Variants in GNB1 observed in about 807,000 individuals in gnomAD.
GNB1 encodes the protein guanine nucleotide-binding protein G(I)/G(S)/G(T) subunit beta-1.
Under a neutral mutation model 42.9 loss-of-function variants are expected in GNB1, and 2 were observed. That is an observed-to-expected ratio of 0.05 (90% CI 0.02 to 0.15). The LOEUF (loss-of-function observed/expected upper bound fraction) is 0.15, where lower values mean the gene tolerates loss of function less well. GNB1 is among the 10% of genes least tolerant of loss of function. The pLI, the probability that GNB1 is intolerant of heterozygous loss-of-function variation, is 1.00. For missense variants in GNB1, 193 were observed against 462.2 expected, an observed-to-expected ratio of 0.42 and a Z score of 5.34; for synonymous variants, 183 against 174.7, an observed-to-expected ratio of 1.05 and a Z score of -0.38.
chr1:1,805,507 T>G (rs2100713755), intron 6 of GNB1, among the ~76,000 whole-genome samples: 1 of 152,238 alleles, frequency 6.6e-6, no homozygotes, highest in African/African-American at 2.4e-5. Flanking sequence ...AACACTGCAT[T>G]ATCCTGTCAA....
At chr1:1,851,797 A>C (rs1230714783) in intron 1 of GNB1, among the ~76,000 whole-genome samples, 1 of 151,972 alleles carries the variant, frequency 6.6e-6, no homozygotes, top group Non-Finnish European at 1.5e-5. Context: ...TAATCCCAGC[A>C]CTTTGGGAGG....
intron 1 of GNB1, among the ~76,000 whole-genome samples, chr1:1,854,003 C>T (rs1441056408): frequency 3.3e-5 from 5 of 152,280 alleles, no homozygotes; most frequent in East Asian, 1.9e-4. Context: ...CACTCAACAA[C>T]GACCTGCCCA....
chr1:1,835,949 A>G (rs1192495947), intron 2 of GNB1, among the ~76,000 whole-genome samples: 4 of 146,738 alleles, frequency 2.7e-5, no homozygotes, highest in African/African-American at 1.0e-4. Context: ...AAAAAGCCAG[A>G]CATGGTAGTG....
chr1:1,823,083 G>C (rs1220669788), intron 3 of GNB1, among the ~76,000 whole-genome samples: 1 of 151,148 alleles, frequency 6.6e-6, no homozygotes, highest in Non-Finnish European at 1.5e-5. Context: ...TCTACTAAAA[G>C]TACAAAAAAT....
chr1:1,797,867 A>AATTC (rs1257550921), intron 7 of GNB1, among the ~76,000 whole-genome samples: 2 of 152,330 alleles, frequency 1.3e-5, no homozygotes, highest in Non-Finnish European at 1.5e-5. Context: ...GACACACTGA[A>AATTC]AGGCAGGCGG....
chr1:1,785,869 G>GC lies in GNB1; in HGVS notation c.*1193dup. 1 of 392,782 alleles carries GC rather than the reference G, an allele frequency of 2.5e-6. No individual in the cohort carries two copies. Among genetic ancestry groups the GC allele is most frequent in the East Asian group, 3.6e-5 (1 of 27,648 alleles). 24.3% of individuals were successfully genotyped at this position (392,782 alleles called of 1,614,324 possible). ...CCGCTACCCAAGCGTGTAGAGCCGC[G>GC]CGCTGTACTGCTTCCGATATGTGCC... On this transcript the variant is annotated 3_prime_UTR_variant, in exon 12 of 12. Transcript: ENST00000378609.
At chr1:1,846,459 C>T (rs1482647773) in intron 1 of GNB1, among the ~76,000 whole-genome samples, 1 of 152,012 alleles carries the variant, frequency 6.6e-6, no homozygotes, top group Non-Finnish European at 1.5e-5. Context: ...CCCAGCTACT[C>T]GGGAGGCTGA....
intron 1 of GNB1, among the ~76,000 whole-genome samples, chr1:1,880,738 A>C (rs969046658): frequency 6.6e-6 from 1 of 151,972 alleles, no homozygotes; most frequent in Non-Finnish European, 1.5e-5. Context: ...TCATCACCCA[A>C]ATGTTGCTAA....
intron 1 of GNB1, among the ~76,000 whole-genome samples, chr1:1,888,281 C>G (rs1355963259): frequency 2.0e-5 from 3 of 151,920 alleles, no homozygotes; most frequent in Non-Finnish European, 4.4e-5. Context: ...AAATGTCATC[C>G]TCACACTGGG....
chr1:1,819,702 C>A (rs1426783561), intron 3 of GNB1, among the ~76,000 whole-genome samples: 1 of 95,672 alleles, frequency 1.0e-5, no homozygotes, highest in Non-Finnish European at 2.4e-5. Context: ...CTATGCCCGG[C>A]TAATTTTTTT....
At chr1:1,887,557 G>A (rs1172961966) in intron 1 of GNB1, among the ~76,000 whole-genome samples, 4 of 152,218 alleles carry the variant, frequency 2.6e-5, no homozygotes, top group African/African-American at 9.7e-5. Flanking sequence ...TGTTTCTCAA[G>A]TGATCAACAT....
intron 1 of GNB1, among the ~76,000 whole-genome samples, chr1:1,873,130 C>T (rs1425020541): frequency 6.6e-6 from 1 of 152,032 alleles, no homozygotes; most frequent in African/African-American, 2.4e-5. Flanking sequence ...AAACTCCTGG[C>T]CTCAAGCCAT....
At chr1:1,827,881 C>A (rs1172745844) in intron 2 of GNB1, among the ~76,000 whole-genome samples, 1 of 152,128 alleles carries the variant, frequency 6.6e-6, no homozygotes, top group African/African-American at 2.4e-5. Context: ...TTATGAAGTA[C>A]CCCGAATTAA....
chr1:1,832,414 T>C (rs1457524283), intron 2 of GNB1: 1 of 152,178 alleles, frequency 6.6e-6, no homozygotes, highest in Non-Finnish European at 1.5e-5. Context: ...TGCTAAGGCC[T>C]CATGTCTAGT....
chr1:1,870,512 C>T (rs1254822159), intron 1 of GNB1, among the ~76,000 whole-genome samples: 1 of 152,206 alleles, frequency 6.6e-6, no homozygotes, highest in African/African-American at 2.4e-5. Context: ...AAATCCCTCC[C>T]TATCAAACTC....
intron 7 of GNB1, among the ~76,000 whole-genome samples, chr1:1,799,043 T>C (rs571531744): frequency 4.6e-5 from 7 of 152,130 alleles, no homozygotes; most frequent in African/African-American, 1.7e-4. Flanking sequence ...GCCTCAGCCT[T>C]TTGAGTAGCT....
chr1:1,848,468 TCCA>T (rs1355799957), intron 1 of GNB1, among the ~76,000 whole-genome samples: 1 of 152,052 alleles, frequency 6.6e-6, no homozygotes, highest in Non-Finnish European at 1.5e-5. Flanking sequence ...TACCTCCCCT[TCCA>T]CCACCTCCAT....
rs371522410 is a variant in GNB1 at position 1,866,478 on chromosome 1, A to G, written c.-96+24342T>C. Among the ~76,000 whole-genome samples the G allele has an allele frequency of 2.0e-5, 3 of 152,228 alleles. No homozygotes were observed. The East Asian group carries it at 5.8e-4, about 29-fold the overall frequency. ...CCTTAAATCTTTTTAACAACTGCACAGTATGCCATTCCAAGTCTGCCTTAA... is the reference window on the plus strand; with the variant it reads ...CCTTAAATCTTTTTAACAACTGCACGGTATGCCATTCCAAGTCTGCCTTAA... On this transcript the variant is annotated intron_variant, in intron 1 of 11. Coordinates refer to ENST00000378609, the MANE Select transcript of GNB1 (RefSeq NM_002074.5).
intron 1 of GNB1, among the ~76,000 whole-genome samples, chr1:1,851,040 C>T (rs1262991845): frequency 6.6e-6 from 1 of 152,054 alleles, no homozygotes; most frequent in Admixed American, 6.6e-5. Context: ...GAGGCCAAGG[C>T]GGGCGGATCA....
Sources: allele counts gnomAD v4.1 joint callset (sites outside exome capture counted in the v4.1 genomes callset), GRCh38; gene constraint gnomAD v4.1.1; transcripts MANE v1.5; gene names NCBI Gene and HGNC (gene_info 2026-07-23, HGNC 2026-07-21).